Variants in ULK1 observed in about 807,000 individuals in gnomAD.
ULK1 encodes the protein serine/threonine-protein kinase ULK1.
ULK1 carries 48 observed loss-of-function variants against 117.5 expected under a neutral mutation model. The observed-to-expected ratio is 0.41, with a 90% CI of 0.32 to 0.52. The LOEUF is 0.52. Ranked by LOEUF, ULK1 falls within the 20% of genes least tolerant of loss-of-function variation. The probability of loss-of-function intolerance (pLI) is 0.29; values close to 1 mark genes in which losing one functional copy is unlikely to be tolerated. For synonymous variants in ULK1, 790 were observed against 637.8 expected (o/e 1.24, Z -3.60); for missense variants, 1,387 against 1,473.4 (o/e 0.94, Z 0.96).
At position 131,913,706 on chromosome 12, in the gene ULK1, A is replaced by G. The variant is rs1889644478; in HGVS notation, c.1158-41A>G. ...GGTGACAGAGTGAGACTGCCCCAAA[A>G]AAAACAAAAAAATGCCCTTGGCCTC... On this transcript the variant is annotated intron_variant, in intron 14 of 27. Coordinates refer to ENST00000321867, the MANE Select transcript of ULK1 (RefSeq NM_003565.4). 2.8e-6 allele frequency: 4 copies of G among 1,421,742 alleles called. No individual in the cohort carries two copies. In the Admixed American group the frequency reaches 1.1e-4, roughly 39 times the overall value. 88.1% of individuals were successfully genotyped at this position (1,421,742 alleles called of 1,614,324 possible). A position where few individuals can be genotyped will look rare whatever the true frequency, so the allele number is the denominator to read the frequency against.
At chr12:131,921,047 C>G in intron 26 of ULK1, 53 bp from the exon 27 acceptor site, 1 of 1,529,284 alleles carries the variant, frequency 6.5e-7, no homozygotes, top group Non-Finnish European at 8.8e-7. Flanking sequence ...GCAGCCCTTG[C>G]TGGGAGGGAG....
At position 131,897,991 on chromosome 12, in the gene ULK1, A is replaced by G. The variant is rs539319401; in HGVS notation, c.246+2167A>G. ...GTGGTCGAGAGCCAGGCTGACGCTG[A>G]TGAGGGGCCCAGTCCTGGCTGCCAT... On this transcript the variant is annotated intron_variant, in intron 3 of 27. Transcript: ENST00000321867. 3 of 152,354 alleles carry G rather than the reference A, an allele frequency of 2.0e-5. No individual in the cohort carries two copies. The East Asian group carries it at 5.8e-4, about 29-fold the overall frequency. 9.4% of individuals were successfully genotyped at this position (152,354 alleles called of 1,614,324 possible).
In ULK1 at chr12:131,915,246, TG is replaced by T; in HGVS notation, c.1522+19del. ...ATCTCCTCAAGGTGCGCCTGCAGGC[TG>T]GGGCCTGGGAAGGGGCGTCTGTAGG... On this transcript the variant is annotated intron_variant, in intron 17 of 27. Coordinates refer to ENST00000321867, the MANE Select transcript of ULK1 (RefSeq NM_003565.4). 6.2e-7 allele frequency: 1 copy of T among 1,604,814 alleles called. No individual in the cohort carries two copies. Among genetic ancestry groups the T allele is most frequent in the Non-Finnish European group, 8.5e-7 (1 of 1,175,600 alleles).
At chr12:131,916,202 G>C (rs773214294) in intron 19 of ULK1, 43 bp downstream of exon 19, 4 of 1,589,092 alleles carry the variant, frequency 2.5e-6, no homozygotes, top group Admixed American at 1.9e-5. Context: ...GAGCCCTGGG[G>C]AAGATGTGTG....
intron 1 of ULK1, 131 bp downstream of exon 1, chr12:131,895,243 C>T (rs1433202486): frequency 7.4e-6 from 5 of 673,656 alleles, no homozygotes; most frequent in Middle Eastern, 4.2e-4. Flanking sequence ...TCCAGGCCGA[C>T]CCCCACCCCA....
At chr12:131,905,256 C>CG (rs1372967432) in intron 3 of ULK1, among the ~76,000 whole-genome samples, 2 of 152,186 alleles carry the variant, frequency 1.3e-5, no homozygotes, top group Non-Finnish European at 2.9e-5. Flanking sequence ...AGCTCCTCTG[C>CG]GGGGGCAGCT....
At position 131,899,314 on chromosome 12, in the gene ULK1, G is replaced by A. The variant is rs768993406; in HGVS notation, c.246+3490G>A. Among the ~76,000 whole-genome samples, 6 of 151,714 alleles carry A rather than the reference G, an allele frequency of 4.0e-5. No homozygotes were observed. The East Asian group carries it at 1.2e-3, about 29-fold the overall frequency. ...AGCGATTCTCCTGCCTCAGCCTCCC[G>A]GGTAGCTGGGATTACAGACATGCGC... On this transcript the variant is annotated intron_variant, in intron 3 of 27. Transcript: ENST00000321867.
In ULK1 at chr12:131,910,734, G is replaced by C. The variant is rs147049737; in HGVS notation, c.882G>C (p.Ser294=). 7.4e-6 allele frequency: 12 copies of C among 1,612,866 alleles called. No homozygotes were observed. In the Admixed American group the frequency reaches 1.3e-4, roughly 18 times the overall value. ...VRKSPPVPVP[S]YPSSGSGSSS... is the part of the protein sequence containing the mutation. Reference sequence around the variant, plus strand: ...CAGCCCCACCCGTGCCTGTGCCCTCGTACCCAAGCTCGGGGTCCGGCAGCA... The same window carrying C: ...CAGCCCCACCCGTGCCTGTGCCCTCCTACCCAAGCTCGGGGTCCGGCAGCA... Residue 294 remains serine (S), a synonymous_variant, in exon 12 of 28, where the codon TCG becomes TCC. Transcript: ENST00000321867.
At chr12:131,896,608 G>C (rs1888882661) in intron 3 of ULK1, 1 of 152,490 alleles carries the variant, frequency 6.6e-6, no homozygotes, top group African/African-American at 2.4e-5. Flanking sequence ...CTTTGCTGTG[G>C]CCTTGGGGAC....
At chr12:131,895,846 C>G (rs755175582) in intron 3 of ULK1, 22 bp downstream of exon 3, 5 of 1,613,918 alleles carry the variant, frequency 3.1e-6, no homozygotes, top group South Asian at 2.2e-5. Context: ...GGGCTGCGGT[C>G]TGCTGGGGAC....
chr12:131,901,605 T>C (rs974884658), intron 3 of ULK1, among the ~76,000 whole-genome samples: 1 of 152,210 alleles, frequency 6.6e-6, no homozygotes, highest in African/African-American at 2.4e-5. Flanking sequence ...TGCCACATGC[T>C]GACTTTAAGC....
At chr12:131,895,133 G>GGGATCCCCCGCCCA in intron 1 of ULK1, 21 bp downstream of exon 1, 2 of 1,486,204 alleles carry the variant, frequency 1.3e-6, no homozygotes, top group Non-Finnish European at 1.8e-6. Context: ...CGTCCGGCCC[G>GGGATCCCCCGCCCA]GGATCCCCCG....
intron 26 of ULK1, 57 bp from the exon 27 acceptor site, chr12:131,921,043 C>T (rs1261041413): frequency 1.3e-6 from 2 of 1,525,440 alleles, no homozygotes; most frequent in African/African-American, 1.4e-5. Flanking sequence ...CAGGGCAGCC[C>T]TTGCTGGGAG....
chr12:131,923,084 G>A lies in ULK1; in HGVS notation c.*1723G>A, dbSNP rs1890219970. ...TTGTCTATTTTAAAGCGAATTTTGT[G>A]TGATTTCCTGCCCTTTGCGTTATAT... On this transcript the variant is annotated 3_prime_UTR_variant, in exon 28 of 28. Transcript: ENST00000321867. 1 of 152,222 alleles carries A rather than the reference G, an allele frequency of 6.6e-6. No individual in the cohort carries two copies. Among genetic ancestry groups the A allele is most frequent in the African/African-American group, 2.4e-5 (1 of 41,440 alleles). The allele number at this position is 152,222 out of a possible 1,614,324, so 9.4% of individuals were successfully genotyped here.
rs372916221 is a variant in ULK1 at position 131,909,926 on chromosome 12, C to T, written c.733C>T (p.Arg245Trp). The change falls in exon 10 of 28, where the codon CGG becomes TGG. Residue 245 changes from arginine to tryptophan, a missense_variant. Arg to Trp is a moderately radical substitution (Grantham distance 101, BLOSUM62 -3). Around this residue, in one of 4 missense-constraint regions of ULK1, gnomAD observed 260 missense variants for 271.6 expected, o/e 0.96. Coordinates refer to ENST00000321867, the MANE Select transcript of ULK1 (RefSeq NM_003565.4). ...KNKTLVPTIP[R>W]ETSAPLRQLL... ...AGCCTCCTCTTGCCCCAGCATCCCCCGGGAGACCTCGGCCCCGCTGCGGCA... is the reference window on the plus strand; with the variant it reads ...AGCCTCCTCTTGCCCCAGCATCCCCTGGGAGACCTCGGCCCCGCTGCGGCA... The T allele has an allele frequency of 5.0e-6, 8 of 1,612,016 alleles. No homozygotes were observed. Among genetic ancestry groups the T allele is most frequent in the East Asian group, 2.2e-5 (1 of 44,876 alleles).
intron 8 of ULK1, among the ~76,000 whole-genome samples, 182 bp downstream of exon 8, chr12:131,909,419 C>T (rs1302848486): frequency 5.3e-5 from 8 of 152,162 alleles, no homozygotes; most frequent in Non-Finnish European, 7.4e-5. Flanking sequence ...GGGAGGGCGG[C>T]GCCGCCGGCG....
chr12:131,907,561 C>T, intron 5 of ULK1, 30 bp downstream of exon 5: 3 of 1,600,994 alleles, frequency 1.9e-6, no homozygotes, highest in Non-Finnish European at 2.6e-6. Flanking sequence ...ACCTGGGCTG[C>T]CAGCCGGTCC....
Position 131,913,787 on chromosome 12 carries a change from C to A in ULK1, c.1198C>A (p.Arg400=). The A allele has an allele frequency of 6.3e-7, 1 of 1,579,668 alleles. No homozygotes were observed. ...CTCTGCGGGCTTGGAGAGCCACGGC[C>A]GGACCCCATCTCCATCCCCACCCTG... ...VASAGLESHG[R]TPSPSPPCSS... is the part of the protein sequence containing the mutation. The change falls in exon 15 of 28, where the codon CGG becomes AGG. Residue 400 remains arginine, a synonymous_variant. Coordinates refer to ENST00000321867, the MANE Select transcript of ULK1 (RefSeq NM_003565.4).
Position 131,917,076 on chromosome 12 carries a change from TGGGGC to T in ULK1, c.2182+15_2182+19del. 3 of 1,232,686 alleles carry T rather than the reference TGGGGC, an allele frequency of 2.4e-6. No individual in the cohort carries two copies. Among genetic ancestry groups the T allele is most frequent in the East Asian group, 3.4e-5 (1 of 29,384 alleles). The allele number at this position is 1,232,686 out of a possible 1,614,324, so 76.4% of individuals were successfully genotyped here. ...CCATGGAGATCGGTGTGTGGGTGGG[TGGGGC>T]TCGGAGGCTGTGGGATGGGGGTCGG... On this transcript the variant is annotated intron_variant, in intron 21 of 27. Transcript: ENST00000321867.
Sources: gnomAD v4.1 joint callset for allele counts (sites outside exome capture counted in the v4.1 genomes callset) on GRCh38, gnomAD v4.1.1 for gene constraint, gnomAD v4.1.1 regional missense constraint, MANE v1.5 for transcripts, NCBI Gene and HGNC (gene_info 2026-07-23, HGNC 2026-07-21) for gene names.